CTNND2: variants seen among roughly 807,000 people sequenced by gnomAD.
CTNND2 encodes the protein catenin delta 2.
CTNND2 carries 22 observed loss-of-function variants against 144.4 expected under a neutral mutation model. The ratio of observed to expected loss-of-function variants is 0.15; its 90% confidence interval spans 0.11 to 0.22. The LOEUF is 0.22. Ranked by LOEUF, CTNND2 falls within the 10% of genes least tolerant of loss-of-function variation. The pLI, the probability that CTNND2 is intolerant of heterozygous loss-of-function variation, is 1.00. For synonymous variants in CTNND2, 751 were observed against 695.6 expected (o/e 1.08, Z -1.25); for missense variants, 1,353 against 1,618.8 (o/e 0.84, Z 2.82).
At chr5:11,226,239 T>C (rs1258725276) in intron 10 of CTNND2, among the ~76,000 whole-genome samples, 1 of 152,186 alleles carries the variant, frequency 6.6e-6, no homozygotes, top group Non-Finnish European at 1.5e-5. Flanking sequence ...TGAGGTACTC[T>C]CTCTGACTGC....
At chr5:11,561,632 C>T (rs140634905) in intron 3 of CTNND2, among the ~76,000 whole-genome samples, 150 of 152,312 alleles carry the variant, frequency 9.8e-4, no homozygotes, top group Admixed American at 6.5e-3. Flanking sequence ...TTGCTTGTCC[C>T]GCAAATTCCT....
chr5:11,800,735 ACAG>A (rs1791635163), intron 1 of CTNND2, among the ~76,000 whole-genome samples: 1 of 152,212 alleles, frequency 6.6e-6, no homozygotes, highest in Admixed American at 6.5e-5. Context: ...TAGTAGAATA[ACAG>A]CATTGTCTCA....
At chr5:11,614,559 A>C (rs1780488235) in intron 2 of CTNND2, among the ~76,000 whole-genome samples, 1 of 152,248 alleles carries the variant, frequency 6.6e-6, no homozygotes, top group Admixed American at 6.5e-5. Flanking sequence ...CTCCTGAAAA[A>C]TGTAAAGGCA....
Position 10,973,447 on chromosome 5 carries a change from T to A in CTNND2, c.*6A>T. 6.3e-7 allele frequency: 1 copy of A among 1,579,548 alleles called. No individual in the cohort carries two copies. The highest frequency in any genetic ancestry group is 8.6e-7 in the Non-Finnish European group (1 of 1,161,016). On this transcript the variant is annotated 3_prime_UTR_variant, in exon 22 of 22. Coordinates refer to ENST00000304623, the MANE Select transcript of CTNND2 (RefSeq NM_001332.4). The surrounding 1 kb of genome is among the most constrained non-coding windows in gnomAD (Gnocchi z 5.6). Reference sequence around the variant, plus strand: ...CACTGTTCCCGGAGCGCCTGTGCCCTGCTCCTCACACCCAGGAGTCGGGGG... The same window carrying A: ...CACTGTTCCCGGAGCGCCTGTGCCCAGCTCCTCACACCCAGGAGTCGGGGG...
At chr5:11,541,604 G>T (rs1162525355) in intron 3 of CTNND2, among the ~76,000 whole-genome samples, 1 of 152,160 alleles carries the variant, frequency 6.6e-6, no homozygotes, top group Non-Finnish European at 1.5e-5. Flanking sequence ...ACTTGAACTT[G>T]CATTTTTCTG....
chr5:11,345,322 A>C (rs1754661721), intron 9 of CTNND2, among the ~76,000 whole-genome samples: 1 of 152,220 alleles, frequency 6.6e-6, no homozygotes, highest in Non-Finnish European at 1.5e-5. Context: ...GTAAGCACTT[A>C]TTACAATTCA....
chr5:11,413,988 G>T (rs765963778), intron 3 of CTNND2, among the ~76,000 whole-genome samples: 4 of 152,164 alleles, frequency 2.6e-5, no homozygotes, highest in Admixed American at 2.6e-4. Flanking sequence ...AAGTGCTTTT[G>T]CAGGTGTAAT....
intron 20 of CTNND2, among the ~76,000 whole-genome samples, chr5:10,985,898 C>T (rs1401775663): frequency 3.3e-5 from 5 of 152,150 alleles, no homozygotes; most frequent in Admixed American, 6.5e-5. Flanking sequence ...GGCAAACCAC[C>T]ACTATCCTCA....
rs187835432 is a variant in CTNND2, at chr5:11,047,971, G to A, written c.2789-24992C>T. ...CTTCAACTTCTCCGGGCTCAATTCAGGGGTTCCACCATTTAGGGAGGCTTT... is the reference window on the plus strand; with the variant it reads ...CTTCAACTTCTCCGGGCTCAATTCAAGGGTTCCACCATTTAGGGAGGCTTT... On this transcript the variant is annotated intron_variant, in intron 16 of 21. Coordinates refer to ENST00000304623, the MANE Select transcript of CTNND2 (RefSeq NM_001332.4). Among the ~76,000 whole-genome samples the A allele has an allele frequency of 1.8e-3, 277 of 152,270 alleles. 5 individuals carry two copies. The highest frequency in any genetic ancestry group is 0.017 in the Admixed American group (259 of 15,292).
intron 11 of CTNND2, 75 bp from the exon 12 acceptor site, chr5:11,159,834 G>T: frequency 1.7e-6 from 2 of 1,211,120 alleles, no homozygotes; most frequent in Non-Finnish European, 2.3e-6. Context: ...TTCCTTATTT[G>T]AGTTAACGGA....
chr5:11,093,571 G>A (rs1751008400), intron 15 of CTNND2, among the ~76,000 whole-genome samples: 1 of 152,072 alleles, frequency 6.6e-6, no homozygotes, highest in Admixed American at 6.5e-5. Flanking sequence ...GAAAAAGAGT[G>A]TGCATGATCT....
At chr5:11,761,346 T>C (rs940982508) in intron 1 of CTNND2, among the ~76,000 whole-genome samples, 1 of 152,216 alleles carries the variant, frequency 6.6e-6, no homozygotes, top group Non-Finnish European at 1.5e-5. Flanking sequence ...ACCACACATA[T>C]AATTTGCACA....
At chr5:10,986,622 G>C (rs1737992880) in intron 20 of CTNND2, 1 of 455,436 alleles carries the variant, frequency 2.2e-6, no homozygotes, top group African/African-American at 2.0e-5. Context: ...GGGAAACAGT[G>C]AATGTGAATA....
chr5:11,583,235 T>A (rs982120739), intron 2 of CTNND2, among the ~76,000 whole-genome samples: 5 of 152,198 alleles, frequency 3.3e-5, no homozygotes, highest in African/African-American at 1.2e-4. Context: ...GTATCCACCA[T>A]CATCCTGAGC....
intron 2 of CTNND2, among the ~76,000 whole-genome samples, chr5:11,727,683 G>A (rs1261757144): frequency 6.6e-6 from 1 of 152,070 alleles, no homozygotes; most frequent in Non-Finnish European, 1.5e-5. Context: ...AACTTCACTG[G>A]TCTTTGCAGA....
chr5:11,447,206 G>A (rs1764896315), intron 3 of CTNND2, among the ~76,000 whole-genome samples: 1 of 152,072 alleles, frequency 6.6e-6, no homozygotes, highest in South Asian at 2.1e-4. Flanking sequence ...GCCAGATGGG[G>A]CAGTGAGTGC....
At chr5:11,349,774 C>G (rs1301345113) in intron 8 of CTNND2, among the ~76,000 whole-genome samples, 1 of 152,154 alleles carries the variant, frequency 6.6e-6, no homozygotes, top group Admixed American at 6.5e-5. Context: ...CTAAAGGTAA[C>G]AGATAAAAGA....
chr5:11,882,905 C>T (rs1234138875), intron 1 of CTNND2, among the ~76,000 whole-genome samples: 1 of 152,126 alleles, frequency 6.6e-6, no homozygotes, highest in African/African-American at 2.4e-5. Context: ...GTAGTATGGA[C>T]ATATTAATTT....
chr5:11,047,563 C>T (rs1043417220), intron 16 of CTNND2, among the ~76,000 whole-genome samples: 3 of 152,036 alleles, frequency 2.0e-5, no homozygotes, highest in Non-Finnish European at 2.9e-5. Flanking sequence ...ACATATGTGC[C>T]GTGACTTTCG....
Sources: gnomAD v4.1 joint callset for allele counts (sites outside exome capture counted in the v4.1 genomes callset) on GRCh38, gnomAD v4.1.1 for gene constraint, Gnocchi (gnomAD v3.1) non-coding constraint, MANE v1.5 for transcripts, NCBI Gene and HGNC (gene_info 2026-07-23, HGNC 2026-07-21) for gene names.